IQCM: variants seen among roughly 807,000 people sequenced by gnomAD.
IQCM encodes the protein IQ domain-containing protein M.
In IQCM, 45 loss-of-function variants were observed where a neutral mutation model predicts 57.6. That is an observed-to-expected ratio of 0.78 (90% confidence interval 0.62 to 1.00). The LOEUF (loss-of-function observed/expected upper bound fraction) is 1.00. Ranked by LOEUF, IQCM falls within the 50% of genes least tolerant of loss-of-function variation. IQCM has a pLI of 0.00. For synonymous variants in IQCM, 148 were observed against 158.9 expected, an observed-to-expected ratio of 0.93 and a Z score of 0.51; for missense variants, 468 against 511.6, an observed-to-expected ratio of 0.91 and a Z score of 0.82.
chr4:149,805,280 T>C (rs1347670129), intron 2 of IQCM, among the ~76,000 whole-genome samples: 1 of 152,250 alleles, frequency 6.6e-6, no homozygotes, highest in Non-Finnish European at 1.5e-5. Context: ...GAAATGCTTT[T>C]CTGTTTGTTT....
chr4:149,469,781 G>A (rs1036098807), intron 12 of IQCM, among the ~76,000 whole-genome samples: 3 of 152,224 alleles, frequency 2.0e-5, no homozygotes, highest in Non-Finnish European at 4.4e-5. Context: ...TCTCTCGGCA[G>A]AAACTCTACA....
rs376643616 is a variant in IQCM at position 149,628,093 on chromosome 4, A to G, written c.566-6849T>C. ...CTAGCCTCTACAAATATAAGAAAAA[A>G]TTGGGGATTGTTTCAAGTTACCAGG... On this transcript the variant is annotated intron_variant, in intron 7 of 13. Transcript: ENST00000636793. Among the ~76,000 whole-genome samples the G allele has an allele frequency of 5.8e-4, 88 of 152,306 alleles. 3 individuals are homozygous for G. The South Asian group carries it at 0.017, about 30-fold the overall frequency.
intron 2 of IQCM, among the ~76,000 whole-genome samples, chr4:149,788,547 G>A (rs1006566390): frequency 9.2e-5 from 14 of 152,144 alleles, no homozygotes; most frequent in Admixed American, 7.2e-4. Context: ...CTGTTGGTGG[G>A]AATGTAAATG....
At chr4:149,375,562 T>G (rs891890003) in intron 13 of IQCM, among the ~76,000 whole-genome samples, 6 of 152,202 alleles carry the variant, frequency 3.9e-5, no homozygotes, top group Admixed American at 1.3e-4. Flanking sequence ...GTTTTAAACA[T>G]TAGTTTGAAA....
chr4:149,521,759 T>A (rs1277715925), intron 12 of IQCM, among the ~76,000 whole-genome samples: 1 of 152,028 alleles, frequency 6.6e-6, no homozygotes, highest in Non-Finnish European at 1.5e-5. Flanking sequence ...AGGTAATGAG[T>A]CAGGTTATAT....
intron 2 of IQCM, among the ~76,000 whole-genome samples, chr4:149,785,051 T>C (rs977488312): frequency 6.6e-6 from 1 of 152,222 alleles, no homozygotes; most frequent in Admixed American, 6.5e-5. Flanking sequence ...TATAGAGATA[T>C]GTTTTATGTA....
At chr4:149,369,715 G>A (rs974800994) in intron 13 of IQCM, among the ~76,000 whole-genome samples, 6 of 152,148 alleles carry the variant, frequency 3.9e-5, no homozygotes, top group Admixed American at 1.3e-4. Flanking sequence ...TGTGCACAAT[G>A]AGAAACAGCA....
intron 2 of IQCM, among the ~76,000 whole-genome samples, chr4:149,779,962 G>T (rs1394600731): frequency 6.6e-6 from 1 of 152,154 alleles, no homozygotes; most frequent in East Asian, 1.9e-4. Context: ...AAATCTAATG[G>T]CTGTCACTAG....
chr4:149,742,693 A>T lies in IQCM; in HGVS notation c.-2T>A. On this transcript the variant is annotated 5_prime_UTR_variant, in exon 3 of 14. Transcript: ENST00000636793. The stretch of plus-strand genomic sequence containing the variant: ...AGGCATAGCCTCTTCAGTAGTCATG[A>T]GGGGCAGTTAGAATGATCTTCTTTT... 1 of 1,231,290 alleles carries T rather than the reference A, an allele frequency of 8.1e-7. No homozygotes were observed. Among genetic ancestry groups the T allele is most frequent in the African/African-American group, 1.6e-5 (1 of 64,492 alleles). 76.3% of individuals were successfully genotyped at this position (1,231,290 alleles called of 1,614,324 possible).
chr4:149,567,062 T>C (rs1014590597), intron 9 of IQCM, among the ~76,000 whole-genome samples: 5 of 152,180 alleles, frequency 3.3e-5, no homozygotes, highest in Admixed American at 6.5e-5. Context: ...AGTTTGCTCT[T>C]AACATAGGGA....
chr4:149,381,464 T>C (rs1044496070), intron 13 of IQCM, among the ~76,000 whole-genome samples: 10 of 152,084 alleles, frequency 6.6e-5, no homozygotes, highest in African/African-American at 9.7e-5. Flanking sequence ...CACCTCCTCA[T>C]TGACTTCTTT....
chr4:149,540,586 A>T (rs780346230), intron 12 of IQCM, among the ~76,000 whole-genome samples: 20 of 152,110 alleles, frequency 1.3e-4, no homozygotes, highest in Non-Finnish European at 2.6e-4. Context: ...CTGAAATTAA[A>T]TCTTATGCAT....
At chr4:149,585,286 G>A (rs963702878) in intron 9 of IQCM, among the ~76,000 whole-genome samples, 2 of 151,624 alleles carry the variant, frequency 1.3e-5, no homozygotes, top group Non-Finnish European at 3.0e-5. Context: ...AGGCTGTAAG[G>A]AAACCTCTAG....
intron 13 of IQCM, among the ~76,000 whole-genome samples, chr4:149,380,705 G>A (rs982868004): frequency 6.6e-6 from 1 of 152,100 alleles, no homozygotes; most frequent in Non-Finnish European, 1.5e-5. Context: ...TCAGGAAAGA[G>A]AAAAAAGTAA....
At chr4:149,743,613 G>A (rs1237323510) in intron 2 of IQCM, among the ~76,000 whole-genome samples, 1 of 152,114 alleles carries the variant, frequency 6.6e-6, no homozygotes, top group African/African-American at 2.4e-5. Flanking sequence ...TGGGACCTAG[G>A]CATCTGGCAT....
intron 5 of IQCM, among the ~76,000 whole-genome samples, chr4:149,706,535 G>T (rs545821871): frequency 4.9e-4 from 75 of 152,072 alleles, no homozygotes; most frequent in African/African-American, 1.8e-3. Context: ...GAGCATTTGA[G>T]TTTGGAACTC....
intron 12 of IQCM, among the ~76,000 whole-genome samples, chr4:149,469,159 G>A (rs532505505): frequency 6.6e-6 from 1 of 152,032 alleles, no homozygotes; most frequent in Non-Finnish European, 1.5e-5. Flanking sequence ...CAGACGATCG[G>A]TAATAACAAA....
At chr4:149,554,953 C>T (rs1749434751) in intron 10 of IQCM, among the ~76,000 whole-genome samples, 1 of 152,142 alleles carries the variant, frequency 6.6e-6, no homozygotes, top group Non-Finnish European at 1.5e-5. Context: ...CCTGCCTCGG[C>T]CTCCCAAAGT....
At chr4:149,680,493 G>A (rs1406534780) in intron 7 of IQCM, among the ~76,000 whole-genome samples, 1 of 151,148 alleles carries the variant, frequency 6.6e-6, no homozygotes, top group Non-Finnish European at 1.5e-5. Context: ...TTAGCCTAAT[G>A]TGCAGAGACA....
Sources: gnomAD v4.1 joint callset for allele counts (sites outside exome capture counted in the v4.1 genomes callset) on GRCh38, gnomAD v4.1.1 for gene constraint, MANE v1.5 for transcripts, NCBI Gene and HGNC (gene_info 2026-07-23, HGNC 2026-07-21) for gene names.